ARHGAP9: variants seen among roughly 807,000 people sequenced by gnomAD.
ARHGAP9 encodes rho GTPase-activating protein 9.
Under a neutral mutation model 87.3 loss-of-function variants are expected in ARHGAP9, and 76 were observed. The ratio of observed to expected loss-of-function variants is 0.87; its 90% CI spans 0.72 to 1.05. ARHGAP9 has a LOEUF of 1.05. Ranked by LOEUF, ARHGAP9 falls within the 50% of genes least tolerant of loss-of-function variation. The probability of loss-of-function intolerance (pLI) is 0.00; values close to 1 mark genes in which losing one functional copy is unlikely to be tolerated. For missense variants in ARHGAP9, 941 were observed against 960.5 expected (o/e 0.98, Z 0.27); for synonymous variants, 382 against 394.9 (o/e 0.97, Z 0.39).
rs369121271 is a variant in ARHGAP9, at chr12:57,478,498, T to C, written c.534+42A>G. 1.0e-4 allele frequency: 161 copies of C among 1,599,730 alleles called. 1 individual carries two copies. The African/African-American group carries it at 1.7e-3, about 17-fold the overall frequency. On this transcript the variant is annotated intron_variant, in intron 3 of 17. Transcript: ENST00000393791. The stretch of plus-strand genomic sequence containing the variant: ...CTGAAGACAGAGGTGCTGTCTGTCC[T>C]GTGCCTAGAACAGGGCCCAGCTCAG...
At chr12:57,478,885 C>T (rs2139955709) in intron 2 of ARHGAP9, 128 bp from the exon 3 acceptor site, 1 of 1,116,298 alleles carries the variant, frequency 9.0e-7, no homozygotes, top group South Asian at 1.6e-5. Flanking sequence ...TGGCATGAGA[C>T]CTAGAAGCCT....
chr12:57,478,623 TG>T lies in ARHGAP9; in HGVS notation c.450del (p.Ser151AlafsTer3), dbSNP rs1565627573. ...CCTTCCTGGAAAGGCTTCAGAAGGC[TG>T]GGGCTCAGATTGTCAGTGCTGACGC... Reference protein sequence around the residue: ...CRSVSTDNLSPSLLKPFQEGP... With the variant: ...CRSVSTDNLSXSLLKPFQEGP... On this transcript the variant is annotated frameshift_variant, in exon 3 of 18. Transcript: ENST00000393791. LOFTEE classifies it high-confidence loss of function. 1.2e-6 allele frequency: 2 copies of T among 1,613,958 alleles called. No individual in the cohort carries two copies. Among genetic ancestry groups the T allele is most frequent in the African/African-American group, 2.7e-5 (2 of 74,872 alleles).
At chr12:57,488,790 G>T (rs1875678403) in exon 1 of ARHGAP9, 3 of 896,196 alleles carry the variant, frequency 3.3e-6, no homozygotes, top group Non-Finnish European at 5.2e-6. Flanking sequence ...CACCTCCTCT[G>T]CAGTCCCCAT....
rs370027879 is a variant in ARHGAP9 at position 57,474,479 on chromosome 12, G to A, written c.1730-3C>T. 1.4e-5 allele frequency: 23 copies of A among 1,614,060 alleles called. No homozygotes were observed. Among genetic ancestry groups the A allele is most frequent in the Non-Finnish European group, 1.8e-5 (21 of 1,180,046 alleles). On this transcript the variant is annotated splice_polypyrimidine_tract_variant and splice_region_variant and intron_variant, in intron 14 of 17. Transcript: ENST00000393791. ...CCCATCGGAGGTGACCGCACGCTCT[G>A]CAACATGAATGAGGAGAGATCAGGA...
chr12:57,479,391 A>C lies in ARHGAP9; in HGVS notation c.16T>G (p.Trp6Gly). MLSSRWWPSSWGILGL... is the reference protein window; with the variant it reads MLSSRGWPSSWGILGL... ...AGGATCCCCCAGGAACTTGGCCACC[A>C]CCGGCTGGATAGCATTGTAGCCAGC... The change falls in exon 2 of 18, where the codon TGG (tryptophan) becomes GGG (glycine). Residue 6 changes from tryptophan (W) to glycine (G), a missense_variant. Coordinates refer to ENST00000393791, the MANE Select transcript of ARHGAP9 (RefSeq NM_032496.4). 1 of 1,613,274 alleles carries C rather than the reference A, an allele frequency of 6.2e-7. No homozygotes were observed. Among genetic ancestry groups the C allele is most frequent in the Non-Finnish European group, 8.5e-7 (1 of 1,179,788 alleles).
At chr12:57,487,447 A>G (rs1261847603) in intron 1 of ARHGAP9, 1 of 152,200 alleles carries the variant, frequency 6.6e-6, no homozygotes. Flanking sequence ...CATTCTCCAC[A>G]ACAAGAGAAG....
chr12:57,478,360 C>T (rs1874503935), intron 3 of ARHGAP9, 180 bp downstream of exon 3: 2 of 663,066 alleles, frequency 3.0e-6, no homozygotes, highest in Non-Finnish European at 5.0e-6. Context: ...CAGATGTCTC[C>T]CCGCACCACC....
rs769762757 is a variant in ARHGAP9 at position 57,479,258 on chromosome 12, C to A, written c.149G>T (p.Arg50Met). The A allele has an allele frequency of 6.2e-7, 1 of 1,614,118 alleles. No homozygotes were observed. The highest frequency in any genetic ancestry group is 1.7e-5 in the Admixed American group (1 of 60,010). ...GQQVSLAEGD[R>M]FLLLRKTNSD... ...GTTGGTCTTTCGAAGCAGTAGGAAC[C>A]TATCCCCTTCAGCCAGAGACACCTG... is the stretch of plus-strand genomic sequence containing the variant. The change falls in exon 2 of 18, where the codon AGG becomes ATG. Residue 50 changes from arginine (R) to methionine (M), a missense_variant. By Grantham distance (91) the Arg-to-Met change is moderately conservative (BLOSUM62 -1). Transcript: ENST00000393791.
chr12:57,488,163 A>C, intron 1 of ARHGAP9: 1 of 1,614,148 alleles, frequency 6.2e-7, no homozygotes, highest in Non-Finnish European at 8.5e-7. Context: ...AGCCCGGGGC[A>C]GAGCAGAGGT....
intron 3 of ARHGAP9, chr12:57,477,964 T>C: frequency 8.1e-7 from 1 of 1,235,884 alleles, no homozygotes; most frequent in Non-Finnish European, 1.0e-6. Flanking sequence ...AACAGGCTTT[T>C]TGTGGGGTGG....
chr12:57,477,569 G>C lies in ARHGAP9; in HGVS notation c.646C>G (p.Leu216Val). 6.2e-7 allele frequency: 1 copy of C among 1,613,546 alleles called. No individual in the cohort carries two copies. Among genetic ancestry groups the C allele is most frequent in the South Asian group, 1.1e-5 (1 of 91,028 alleles). The change falls in exon 4 of 18, where the codon CTG (leucine) becomes GTG (valine). Residue 216 changes from leucine (L) to valine (V), a missense_variant. By Grantham distance (32) the Leu-to-Val change is conservative. Transcript: ENST00000393791. Reference protein sequence around the residue: ...PGPACPLLQRLDAWEQHLDPN... With the variant: ...PGPACPLLQRVDAWEQHLDPN... ...TCCAGGTGCTGCTCCCAGGCATCCAGCCTCTGCAGCAGGGGGCATGCAGGG... is the reference window on the plus strand; with the variant it reads ...TCCAGGTGCTGCTCCCAGGCATCCACCCTCTGCAGCAGGGGGCATGCAGGG...
upstream of ARHGAP9, among the ~76,000 whole-genome samples, chr12:57,484,300 C>G (rs919797931): frequency 6.9e-6 from 1 of 145,850 alleles, no homozygotes; most frequent in African/African-American, 2.5e-5. Flanking sequence ...TGCAGTGAGC[C>G]AAGATTGCGC....
Position 57,477,284 on chromosome 12 carries a change from G to A in ARHGAP9, c.757-15C>T, listed in dbSNP as rs1833195901. The stretch of plus-strand genomic sequence containing the variant: ...GAGCCAGGGTTCTGGGTTAGGGGAG[G>A]AGGAAATAAAGCTACATCCAGATGC... On this transcript the variant is annotated splice_polypyrimidine_tract_variant and intron_variant, in intron 4 of 17. Coordinates refer to ENST00000393791, the MANE Select transcript of ARHGAP9 (RefSeq NM_032496.4). The A allele has an allele frequency of 6.5e-7, 1 of 1,547,338 alleles. No individual in the cohort carries two copies. Among genetic ancestry groups the A allele is most frequent in the South Asian group, 1.2e-5 (1 of 80,838 alleles).
intron 1 of ARHGAP9, chr12:57,488,389 C>T (rs1054701915): frequency 2.5e-5 from 18 of 717,340 alleles, no homozygotes; most frequent in Non-Finnish European, 3.4e-5. Context: ...TAATTACCCT[C>T]AATATAATAC....
rs1185179427 is a variant in ARHGAP9, at chr12:57,475,380, G to T, written c.1463C>A (p.Thr488Asn). The T allele has an allele frequency of 1.3e-6, 2 of 1,597,042 alleles. No individual in the cohort carries two copies. Among genetic ancestry groups the T allele is most frequent in the African/African-American group, 2.7e-5 (2 of 74,752 alleles). Residue 488 changes from threonine (T) to asparagine (N), a missense_variant, in exon 12 of 18, where the codon ACC (threonine) becomes AAC (asparagine). Physicochemically the swap from Thr to Asn is moderately conservative, Grantham distance 65. Transcript: ENST00000393791. ...TTTGTTGCGCACGCGGTTCTGCTCG[G>T]TGCCTTCGGGCCCCCGAACTGCAGG... is the stretch of plus-strand genomic sequence containing the variant. Reference protein sequence around the residue: ...RRSSIRGPEGTEQNRVRNKLK... With the variant: ...RRSSIRGPEGNEQNRVRNKLK...
Position 57,479,399 on chromosome 12 carries a change from G to A in ARHGAP9, c.8C>T (p.Ser3Phe), listed in dbSNP as rs1874745324. Residue 3 changes from serine (S) to phenylalanine (F), a missense_variant, in exon 2 of 18, where the codon TCC (serine) becomes TTC (phenylalanine). Coordinates refer to ENST00000393791, the MANE Select transcript of ARHGAP9 (RefSeq NM_032496.4). ...CCAGGAACTTGGCCACCACCGGCTG[G>A]ATAGCATTGTAGCCAGCACTGTCAC... ML[S>F]SRWWPSSWGI... 1.9e-6 allele frequency: 3 copies of A among 1,612,972 alleles called. No homozygotes were observed. The highest frequency in any genetic ancestry group is 1.7e-6 in the Non-Finnish European group (2 of 1,179,706).
intron 17 of ARHGAP9, 122 bp from the exon 18 acceptor site, chr12:57,472,810 C>CA (rs138349350): frequency 0.032 from 32,388 of 1,015,282 alleles, 1,918 homozygotes; most frequent in African/African-American, 0.22. Context: ...CACATGGTAA[C>CA]AAAAAAACCA....
chr12:57,485,786 G>C (rs959688721), intron 1 of ARHGAP9, among the ~76,000 whole-genome samples: 2 of 152,074 alleles, frequency 1.3e-5, no homozygotes, highest in Non-Finnish European at 2.9e-5. Flanking sequence ...GGCCTTAGGT[G>C]GGTGATTCTT....
In ARHGAP9 at chr12:57,477,225, A is replaced by C; in HGVS notation, c.801T>G (p.Asn267Lys). The change falls in exon 5 of 18, where the codon AAT becomes AAG. Residue 267 changes from asparagine (N) to lysine (K), a missense_variant. Physicochemically the swap from Asn to Lys is moderately conservative, Grantham distance 94 (BLOSUM62 0). Coordinates refer to ENST00000393791, the MANE Select transcript of ARHGAP9 (RefSeq NM_032496.4). ...MEGTQTLKRN[N>K]DVLQPQAKGF... ...CCTTTGCCTGAGGTTGCAGGACATC[A>C]TTGTTCCTCTTCAGGGTCTGTGTCC... 1 of 1,600,822 alleles carries C rather than the reference A, an allele frequency of 6.2e-7. No homozygotes were observed.
Sources: allele counts gnomAD v4.1 joint callset (sites outside exome capture counted in the v4.1 genomes callset), GRCh38; gene constraint gnomAD v4.1.1; transcripts MANE v1.5; gene names NCBI Gene and HGNC (gene_info 2026-07-23, HGNC 2026-07-21).